MMD2: variants seen among roughly 807,000 people sequenced by gnomAD.
MMD2 encodes monocyte to macrophage differentiation associated 2.
MMD2 carries 30 observed loss-of-function variants against 33.5 expected under a neutral mutation model. That is an observed-to-expected ratio of 0.90 (90% confidence interval 0.67 to 1.22). The LOEUF (loss-of-function observed/expected upper bound fraction) is 1.22, where lower values mean the gene tolerates loss of function less well. Ranked by LOEUF, MMD2 falls within the 50% of genes most tolerant of loss-of-function variation. MMD2 has a pLI of 0.00. For synonymous variants in MMD2, 129 were observed against 123.0 expected, an observed-to-expected ratio of 1.05 and a Z score of -0.32; for missense variants, 364 against 325.4, an observed-to-expected ratio of 1.12 and a Z score of -0.91.
At chr7:4,903,719 C>G (rs1784824169), downstream of MMD2, among the ~76,000 whole-genome samples, 1 of 152,230 alleles carries the variant, frequency 6.6e-6, no homozygotes, top group Non-Finnish European at 1.5e-5. Context: ...CTGCCTCACT[C>G]CCACCTGCCT....
the MMD2 span, among the ~76,000 whole-genome samples, chr7:4,900,357 T>C: frequency 1.3e-5 from 2 of 152,126 alleles, no homozygotes; most frequent in African/African-American, 4.8e-5. Flanking sequence ...CGTTCATAAG[T>C]GCGCATATTA....
intron 1 of MMD2, among the ~76,000 whole-genome samples, chr7:4,926,741 T>G (rs1785438114): frequency 6.6e-6 from 1 of 151,814 alleles, no homozygotes; most frequent in Non-Finnish European, 1.5e-5. Context: ...TAGTTTTCTT[T>G]TTTTCTTTTT....
intron 1 of MMD2, among the ~76,000 whole-genome samples, chr7:4,925,889 C>A (rs2115113408): frequency 6.6e-6 from 1 of 152,304 alleles, no homozygotes; most frequent in East Asian, 1.9e-4. Flanking sequence ...TCTCAGCTCA[C>A]TGCAACCTCT....
chr7:4,898,261 C>CT, the MMD2 span, among the ~76,000 whole-genome samples: 1 of 152,166 alleles, frequency 6.6e-6, no homozygotes, highest in African/African-American at 2.4e-5. Context: ...TTCTCCTTAC[C>CT]TGTCCCCACA....
At chr7:4,943,348 T>C (rs1785963256) in intron 1 of MMD2, among the ~76,000 whole-genome samples, 1 of 152,012 alleles carries the variant, frequency 6.6e-6, no homozygotes, top group African/African-American at 2.4e-5. Flanking sequence ...TTTCACCATG[T>C]TGACGAGGAT....
intron 1 of MMD2, among the ~76,000 whole-genome samples, chr7:4,935,667 G>T (rs929316910): frequency 2.6e-4 from 29 of 110,476 alleles, no homozygotes; most frequent in Non-Finnish European, 1.4e-4. Context: ...AACAGAGCAA[G>T]ACCCTGTCTC....
chr7:4,938,002 C>CTTTTTTT (rs1165504272), intron 1 of MMD2, among the ~76,000 whole-genome samples: 47 of 45,650 alleles, frequency 1.0e-3, no homozygotes, highest in East Asian at 2.6e-3. Flanking sequence ...TTCTTTCTTT[C>CTTTTTTT]TTTTTTTTTT....
Position 4,925,432 on chromosome 7 carries a change from C to T in MMD2, c.129+19G>A. On this transcript the variant is annotated intron_variant, in intron 2 of 6. Transcript: ENST00000401401. Reference sequence around the variant, plus strand: ...AAGTGTCCCCATCTCAGCCCTGAGCCCCCCAAAAGCCAACTCACAGCATGG... The same window carrying T: ...AAGTGTCCCCATCTCAGCCCTGAGCTCCCCAAAAGCCAACTCACAGCATGG... 1 of 1,525,628 alleles carries T rather than the reference C, an allele frequency of 6.6e-7. No individual in the cohort carries two copies. The allele number at this position is 1,525,628 out of a possible 1,614,324, so 94.5% of individuals were successfully genotyped here.
intron 1 of MMD2, among the ~76,000 whole-genome samples, chr7:4,935,150 C>T (rs960729524): frequency 1.3e-5 from 2 of 151,980 alleles, no homozygotes; most frequent in Admixed American, 6.6e-5. Flanking sequence ...CGCGCTACCA[C>T]ACTCCAGCCT....
chr7:4,922,963 G>C (rs1785324897), intron 2 of MMD2, among the ~76,000 whole-genome samples: 1 of 152,194 alleles, frequency 6.6e-6, no homozygotes, highest in Non-Finnish European at 1.5e-5. Flanking sequence ...CTGTGACTCA[G>C]TCACCCACTT....
intron 1 of MMD2, among the ~76,000 whole-genome samples, chr7:4,951,566 T>C (rs1786244705): frequency 6.6e-6 from 1 of 152,030 alleles, no homozygotes; most frequent in Non-Finnish European, 1.5e-5. Flanking sequence ...ACACCTGTGG[T>C]TTCTGCCCAT....
chr7:4,912,788 C>A (rs1381414094), intron 4 of MMD2, among the ~76,000 whole-genome samples: 1 of 152,038 alleles, frequency 6.6e-6, no homozygotes, highest in African/African-American at 2.4e-5. Flanking sequence ...TCACTGCACC[C>A]TTCGCCTCCC....
At chr7:4,935,069 C>T (rs972636962) in intron 1 of MMD2, among the ~76,000 whole-genome samples, 3 of 152,108 alleles carry the variant, frequency 2.0e-5, no homozygotes, top group African/African-American at 7.2e-5. Flanking sequence ...ACCTGTAATT[C>T]CAGCTCCTCA....
chr7:4,900,715 C>A, the MMD2 span, among the ~76,000 whole-genome samples: 1 of 152,072 alleles, frequency 6.6e-6, no homozygotes, highest in East Asian at 1.9e-4. Flanking sequence ...CAGCATCCCC[C>A]CCACAACCCA....
intron 1 of MMD2, among the ~76,000 whole-genome samples, chr7:4,949,177 T>C (rs919028096): frequency 2.0e-5 from 3 of 152,172 alleles, no homozygotes; most frequent in African/African-American, 7.2e-5. Context: ...ACAGCTGTAC[T>C]CTAGCCTGGG....
intron 1 of MMD2, among the ~76,000 whole-genome samples, chr7:4,945,185 T>TTCTTCTTCTTCCTCTTC (rs1554273338): frequency 2.1e-5 from 2 of 93,480 alleles, no homozygotes; most frequent in African/African-American, 8.0e-5. Context: ...CCTCTTCCTC[T>TTCTTCTTCTTCCTCTTC]TTCTTCTTCT....
At chr7:4,908,053 T>A (rs1784907850) in intron 6 of MMD2, among the ~76,000 whole-genome samples, 1 of 151,534 alleles carries the variant, frequency 6.6e-6, no homozygotes, top group African/African-American at 2.4e-5. Context: ...CCAGTGCTTC[T>A]CCCACCTCGG....
intron 1 of MMD2, among the ~76,000 whole-genome samples, chr7:4,956,101 C>T (rs901797661): frequency 4.6e-5 from 7 of 152,042 alleles, no homozygotes; most frequent in African/African-American, 7.2e-5. Flanking sequence ...GTATATTACT[C>T]ATGGACAGCC....
rs1784880530 is a variant in MMD2, at chr7:4,907,004, G to A, written c.*392C>T. 2 of 227,394 alleles carry A rather than the reference G, an allele frequency of 8.8e-6. No individual in the cohort carries two copies. The highest frequency in any genetic ancestry group is 1.7e-5 in the Non-Finnish European group (2 of 115,730). The allele number at this position is 227,394 out of a possible 1,614,324, so 14.1% of individuals were successfully genotyped here. A position where few individuals can be genotyped will look rare whatever the true frequency, so the allele number is the denominator to read the frequency against. ...CCTGGACTTTGGTAACAGAGAGGGA[G>A]GCCCTGGCCACCCAGGTATAAACAA... On this transcript the variant is annotated 3_prime_UTR_variant, in exon 7 of 7. Transcript: ENST00000401401.
Sources: allele counts gnomAD v4.1 joint callset (sites outside exome capture counted in the v4.1 genomes callset), GRCh38; gene constraint gnomAD v4.1.1; transcripts MANE v1.5; gene names NCBI Gene and HGNC (gene_info 2026-07-23, HGNC 2026-07-21).